CEP76: variants seen among roughly 807,000 people sequenced by gnomAD.
CEP76 encodes centrosomal protein 76, also known as centrosomal protein of 76 kDa.
Under a neutral mutation model 83.3 loss-of-function variants are expected in CEP76, and 55 were observed. That is an observed-to-expected ratio of 0.66 (90% confidence interval 0.53 to 0.83). The LOEUF is 0.83. CEP76 is among the 40% of genes least tolerant of loss of function. CEP76 has a pLI of 0.00. For missense variants in CEP76, 694 were observed against 799.5 expected, an observed-to-expected ratio of 0.87 and a Z score of 1.59; for synonymous variants, 270 against 274.5, an observed-to-expected ratio of 0.98 and a Z score of 0.16.
chr18:12,687,479 A>T (rs1158179778), intron 7 of CEP76, among the ~76,000 whole-genome samples: 2 of 146,320 alleles, frequency 1.4e-5, no homozygotes, highest in Non-Finnish European at 3.0e-5. Flanking sequence ...TTTTTGAGAC[A>T]GAGTCTCGCT....
At chr18:12,670,425 A>G (rs2038914471), downstream of CEP76, 2 of 152,200 alleles carry the variant, frequency 1.3e-5, no homozygotes, top group South Asian at 4.1e-4. Context: ...GCCAGACTCT[A>G]TTGGTGCATA....
chr18:12,701,119 T>C lies in CEP76; in HGVS notation c.64-6A>G, dbSNP rs756079979. On this transcript the variant is annotated splice_region_variant and splice_polypyrimidine_tract_variant and intron_variant, in intron 1 of 11. Transcript: ENST00000262127. ...ATTCTACCATGGACATCCATCTATGTAGAAAACTCATATTACAATTTATAA... is the reference window on the plus strand; with the variant it reads ...ATTCTACCATGGACATCCATCTATGCAGAAAACTCATATTACAATTTATAA... 2.5e-6 allele frequency: 4 copies of C among 1,603,712 alleles called. No homozygotes were observed. The highest frequency in any genetic ancestry group is 1.1e-5 in the South Asian group (1 of 89,114).
intron 12 of CEP76, among the ~76,000 whole-genome samples, chr18:12,665,392 T>C (rs931610684): frequency 8.5e-5 from 13 of 152,120 alleles, no homozygotes; most frequent in African/African-American, 3.1e-4. Context: ...ATGCCTTATA[T>C]GTATACTTGT....
At chr18:12,668,597 CAAAAAAAAA>C (rs752216074), downstream of CEP76, among the ~76,000 whole-genome samples, 21 of 72,828 alleles carry the variant, frequency 2.9e-4, no homozygotes, top group Admixed American at 9.2e-4. Flanking sequence ...GATTCCATCT[CAAAAAAAAA>C]AAAAAAAAAA....
intron 8 of CEP76, among the ~76,000 whole-genome samples, chr18:12,682,201 G>A (rs2039376003): frequency 6.6e-6 from 1 of 151,530 alleles, no homozygotes; most frequent in African/African-American, 2.4e-5. Flanking sequence ...GTCTAGTTCT[G>A]ACACCCAGGC....
intron 10 of CEP76, among the ~76,000 whole-genome samples, chr18:12,676,353 G>A (rs967786150): frequency 7.0e-6 from 1 of 141,880 alleles, no homozygotes; most frequent in African/African-American, 2.6e-5. Flanking sequence ...GCACAATCTC[G>A]GCTCACTGCA....
intron 8 of CEP76, among the ~76,000 whole-genome samples, chr18:12,684,039 T>A (rs1472489220): frequency 6.6e-6 from 1 of 151,046 alleles, no homozygotes; most frequent in African/African-American, 2.4e-5. Context: ...ATGTATTTTT[T>A]TTTGAGACAG....
exon 13 of CEP76, chr18:12,662,110 T>G (rs1438575817): frequency 4.5e-6 from 2 of 441,622 alleles, no homozygotes; most frequent in Non-Finnish European, 4.5e-6. Context: ...GCACCATCAC[T>G]GTGCAGCCCA....
chr18:12,699,718 G>A (rs1162059996), intron 3 of CEP76, 112 bp downstream of exon 3: 2 of 617,856 alleles, frequency 3.2e-6, no homozygotes, highest in East Asian at 3.1e-5. Flanking sequence ...AAAATTTTAA[G>A]TATTTTATTT....
In CEP76 at chr18:12,680,767, G is replaced by A. The variant is rs758837508; in HGVS notation, c.1184C>T (p.Ala395Val). Residue 395 changes from alanine (A) to valine (V), a missense_variant, in exon 9 of 12, where the codon GCC becomes GTC. Transcript: ENST00000262127. ...CSLLLGYGLE[A>V]FVCVGTKAKG... is the part of the protein sequence containing the mutation. ...TGCCTTGGTCCCAACACAAACAAAG[G>A]CTTCTAATCCATATCCAAGAAGAAG... 3.1e-6 allele frequency: 5 copies of A among 1,613,670 alleles called. No individual in the cohort carries two copies. The African/African-American group carries it at 4.0e-5, about 13-fold the overall frequency.
chr18:12,681,390 G>A (rs1424062919), intron 8 of CEP76, among the ~76,000 whole-genome samples: 5 of 151,324 alleles, frequency 3.3e-5, no homozygotes, highest in African/African-American at 1.2e-4. Flanking sequence ...GGGACTAAAG[G>A]TGTGCACCAT....
chr18:12,697,771 A>G (rs1313294732), intron 4 of CEP76, among the ~76,000 whole-genome samples: 2 of 152,210 alleles, frequency 1.3e-5, no homozygotes, highest in East Asian at 1.9e-4. Context: ...AATCCCTTTA[A>G]CCTCCAGAAA....
chr18:12,664,108 TGAG>T (rs2038755601), intron 12 of CEP76, among the ~76,000 whole-genome samples: 3 of 151,664 alleles, frequency 2.0e-5, no homozygotes, highest in Admixed American at 1.3e-4. Context: ...GTGGTTGCGG[TGAG>T]CCGAGATCGT....
In CEP76 at chr18:12,695,280, A is replaced by G; in HGVS notation, c.778T>C (p.Leu260=). The part of the protein sequence containing the change: ...LEMYPPLNQT[L]SQEVVNTQLA... Reference sequence around the variant, plus strand: ...TGTGTGTTCACTACTTCTTGAGATAACGTTTGATTGAGTGGTGGATACATT... The same window carrying G: ...TGTGTGTTCACTACTTCTTGAGATAGCGTTTGATTGAGTGGTGGATACATT... The change falls in exon 6 of 12, where the codon TTA becomes CTA. Residue 260 remains leucine (L), a synonymous_variant. Transcript: ENST00000262127. The G allele has an allele frequency of 6.4e-7, 1 of 1,554,992 alleles. No homozygotes were observed. The highest frequency in any genetic ancestry group is 8.8e-7 in the Non-Finnish European group (1 of 1,134,720).
At chr18:12,662,513 C>T (rs1054925199) in intron 12 of CEP76, among the ~76,000 whole-genome samples, 1 of 152,220 alleles carries the variant, frequency 6.6e-6, no homozygotes, top group Admixed American at 6.5e-5. Context: ...TGGGGGCTCA[C>T]ACCTGTAATC....
intron 10 of CEP76, among the ~76,000 whole-genome samples, chr18:12,676,618 C>T (rs1030766984): frequency 6.6e-6 from 1 of 151,762 alleles, no homozygotes; most frequent in Non-Finnish European, 1.5e-5. Context: ...GTAAGCAGAA[C>T]CTAAGAAAAG....
At chr18:12,687,733 G>T (rs1373468163) in intron 7 of CEP76, among the ~76,000 whole-genome samples, 1 of 151,796 alleles carries the variant, frequency 6.6e-6, no homozygotes, top group South Asian at 2.1e-4. Flanking sequence ...TATTACAGGT[G>T]TGAGCCACTG....
At chr18:12,685,496 T>A (rs1388776388) in intron 8 of CEP76, 2 of 151,934 alleles carry the variant, frequency 1.3e-5, no homozygotes, top group Non-Finnish European at 1.5e-5. Context: ...AGATGCTGAG[T>A]TTTTTGTGTA....
In CEP76 at chr18:12,702,665, G is replaced by A; in HGVS notation, c.-117C>T. 1 of 1,149,420 alleles carries A rather than the reference G, an allele frequency of 8.7e-7. No homozygotes were observed. Among genetic ancestry groups the A allele is most frequent in the Non-Finnish European group, 1.2e-6 (1 of 832,892 alleles). 71.2% of individuals were successfully genotyped at this position (1,149,420 alleles called of 1,614,324 possible). On this transcript the variant is annotated 5_prime_UTR_variant, in exon 1 of 12. Transcript: ENST00000262127. ...GGAGCACAAAGCGCCGCAGCCGTTC[G>A]CCTAGCGCAGCTCCCGGGGGACGCA...
Sources: gnomAD v4.1 joint callset for allele counts (sites outside exome capture counted in the v4.1 genomes callset) on GRCh38, gnomAD v4.1.1 for gene constraint, MANE v1.5 for transcripts, NCBI Gene and HGNC (gene_info 2026-07-23, HGNC 2026-07-21) for gene names.